The following LIN52 variants were observed in gnomAD, a reference collection of about 807,000 sequenced individuals.
The protein encoded by LIN52 is lin-52 DREAM MuvB core complex component.
A neutral mutation model predicts 18.5 loss-of-function variants in LIN52; 4 were observed. The observed-to-expected ratio is 0.22, with a 90% CI of 0.11 to 0.49. LIN52 has a LOEUF of 0.49. Ranked by LOEUF, LIN52 falls within the 20% of genes least tolerant of loss-of-function variation. The probability of loss-of-function intolerance (pLI) is 0.97; values close to 1 mark genes in which losing one functional copy is unlikely to be tolerated. For synonymous variants in LIN52, 34 were observed against 45.5 expected, an observed-to-expected ratio of 0.75 and a Z score of 1.02; for missense variants, 102 against 139.5, an observed-to-expected ratio of 0.73 and a Z score of 1.35.
intron 5 of LIN52, among the ~76,000 whole-genome samples, chr14:74,114,609 A>G (rs2060952574): frequency 6.6e-6 from 1 of 152,198 alleles, no homozygotes; most frequent in African/African-American, 2.4e-5. Flanking sequence ...CAACAACAAC[A>G]ACAAAAATCA....
chr14:74,153,732 C>T (rs183978486), intron 5 of LIN52, among the ~76,000 whole-genome samples: 54 of 152,028 alleles, frequency 3.6e-4, no homozygotes, highest in Admixed American at 2.4e-3. Flanking sequence ...TTAGTAGAGA[C>T]GGAGTTTCAC....
intron 5 of LIN52, among the ~76,000 whole-genome samples, chr14:74,176,137 C>A (rs1484188946): frequency 6.6e-6 from 1 of 152,132 alleles, no homozygotes; most frequent in Non-Finnish European, 1.5e-5. Flanking sequence ...TTCTAGAATA[C>A]CTCCTGTAGG....
At chr14:74,098,301 T>C (rs1210525779) in intron 4 of LIN52, among the ~76,000 whole-genome samples, 1 of 151,994 alleles carries the variant, frequency 6.6e-6, no homozygotes, top group Non-Finnish European at 1.5e-5. Context: ...GGTGGATCAC[T>C]GGAGGTCAGG....
At chr14:74,158,938 G>A (rs964627363) in intron 5 of LIN52, among the ~76,000 whole-genome samples, 1 of 152,084 alleles carries the variant, frequency 6.6e-6, no homozygotes, top group Non-Finnish European at 1.5e-5. Flanking sequence ...TTACATTGAT[G>A]TTATATCCAG....
chr14:74,149,412 T>C (rs1265042355), intron 5 of LIN52, among the ~76,000 whole-genome samples: 1 of 152,152 alleles, frequency 6.6e-6, no homozygotes, highest in East Asian at 1.9e-4. Context: ...CTGGCAGCTG[T>C]CTCCTTTTTG....
At chr14:74,160,489 T>C (rs928269493) in intron 5 of LIN52, among the ~76,000 whole-genome samples, 8 of 152,380 alleles carry the variant, frequency 5.3e-5, no homozygotes, top group Non-Finnish European at 8.8e-5. Flanking sequence ...TTTTATGTAG[T>C]TCCATATGCA....
intron 5 of LIN52, among the ~76,000 whole-genome samples, chr14:74,101,489 C>G (rs999309722): frequency 6.8e-6 from 1 of 147,046 alleles, no homozygotes; most frequent in African/African-American, 2.5e-5. Context: ...GACGGAGTCT[C>G]GCTCTGTCGC....
intron 5 of LIN52, among the ~76,000 whole-genome samples, chr14:74,180,845 A>G (rs1345973647): frequency 6.6e-6 from 1 of 152,142 alleles, no homozygotes. Flanking sequence ...ACAGTGGCTT[A>G]TGCCTGTAAT....
chr14:74,138,812 A>C (rs1448245991), intron 5 of LIN52, among the ~76,000 whole-genome samples: 1 of 152,040 alleles, frequency 6.6e-6, no homozygotes, highest in Non-Finnish European at 1.5e-5. Context: ...ATAACTTAAC[A>C]ATTTAAACTA....
intron 5 of LIN52, among the ~76,000 whole-genome samples, chr14:74,120,412 A>T (rs1405405571): frequency 6.6e-6 from 1 of 151,878 alleles, no homozygotes; most frequent in African/African-American, 2.4e-5. Flanking sequence ...TAAGGTCAAG[A>T]GTTCGAGACC....
intron 5 of LIN52, among the ~76,000 whole-genome samples, chr14:74,152,972 A>AG: frequency 6.6e-6 from 1 of 151,622 alleles, no homozygotes; most frequent in Admixed American, 6.6e-5. Context: ...AAAAAAAAAA[A>AG]AAAAAAAAAA....
intron 5 of LIN52, among the ~76,000 whole-genome samples, chr14:74,144,349 A>G (rs1242206083): frequency 2.0e-5 from 3 of 150,934 alleles, no homozygotes; most frequent in Admixed American, 6.6e-5. Context: ...CTGGTCTCGA[A>G]CTCCTGGGCT....
chr14:74,158,377 T>C (rs1401740339), intron 5 of LIN52, among the ~76,000 whole-genome samples: 1 of 152,094 alleles, frequency 6.6e-6, no homozygotes, highest in African/African-American at 2.4e-5. Context: ...CCTCCCAAAG[T>C]GCTGGGATTA....
At chr14:74,193,364 T>C (rs1412657515) in intron 5 of LIN52, among the ~76,000 whole-genome samples, 2 of 151,792 alleles carry the variant, frequency 1.3e-5, no homozygotes, top group East Asian at 3.9e-4. Context: ...CAGTGAGCTA[T>C]GGCTGCACCA....
At chr14:74,189,314 C>T (rs1434560577) in intron 5 of LIN52, among the ~76,000 whole-genome samples, 3 of 152,192 alleles carry the variant, frequency 2.0e-5, no homozygotes, top group African/African-American at 7.2e-5. Flanking sequence ...GAATGTTCTG[C>T]ACAAATTTAT....
At chr14:74,155,595 G>A (rs2061196033) in intron 5 of LIN52, among the ~76,000 whole-genome samples, 2 of 152,286 alleles carry the variant, frequency 1.3e-5, no homozygotes, top group Middle Eastern at 3.4e-3. Context: ...CTCTAGTAAA[G>A]ATAGATGCTA....
intron 5 of LIN52, among the ~76,000 whole-genome samples, chr14:74,107,121 G>A (rs1468299053): frequency 6.6e-6 from 1 of 152,190 alleles, no homozygotes; most frequent in Non-Finnish European, 1.5e-5. Flanking sequence ...TGGGTAGTTG[G>A]TGTTTTAGTG....
At chr14:74,183,977 T>A (rs2061330636) in intron 5 of LIN52, among the ~76,000 whole-genome samples, 1 of 152,202 alleles carries the variant, frequency 6.6e-6, no homozygotes, top group African/African-American at 2.4e-5. Context: ...GTCTGTACAT[T>A]GCATTTAGTT....
At chr14:74,105,485 G>T (rs1262324870) in intron 5 of LIN52, among the ~76,000 whole-genome samples, 1 of 152,114 alleles carries the variant, frequency 6.6e-6, no homozygotes, top group African/African-American at 2.4e-5. Context: ...TTAAAATTTA[G>T]AATGAGAAAC....
Sources: gnomAD v4.1 joint callset for allele counts (sites outside exome capture counted in the v4.1 genomes callset) on GRCh38, gnomAD v4.1.1 for gene constraint, MANE v1.5 for transcripts, NCBI Gene and HGNC (gene_info 2026-07-23, HGNC 2026-07-21) for gene names.